The following HFM1 variants were observed in gnomAD, a reference collection of about 807,000 sequenced individuals.
HFM1 encodes the protein probable ATP-dependent DNA helicase HFM1.
HFM1 carries 169 observed loss-of-function variants against 192.1 expected under a neutral mutation model. The observed-to-expected ratio is 0.88, with a 90% CI of 0.78 to 1.00. HFM1 has a LOEUF of 1.00. HFM1 is among the 50% of genes least tolerant of loss of function. The probability of loss-of-function intolerance (pLI) is 0.00; values close to 1 mark genes in which losing one functional copy is unlikely to be tolerated. For synonymous variants in HFM1, 525 were observed against 537.8 expected, an observed-to-expected ratio of 0.98 and a Z score of 0.33; for missense variants, 1,661 against 1,668.0, an observed-to-expected ratio of 1.00 and a Z score of 0.07.
Position 91,378,435 on chromosome 1 carries a change from C to A in HFM1, c.1204G>T (p.Val402Phe). ...ATGAGAAACAGTCGAACCAGCTGAA[C>A]CAAAGAGTTGTCTCTCCATTTCCTA... is the stretch of plus-strand genomic sequence containing the variant. ...MTRKWRDNSL[V>F]QLVRLFLIDE... The change falls in exon 10 of 39, where the codon GTT becomes TTT. Residue 402 changes from valine (V) to phenylalanine (F), a missense_variant. By Grantham distance (50) the Val-to-Phe change is conservative (BLOSUM62 -1). Coordinates refer to ENST00000370425, the MANE Select transcript of HFM1 (RefSeq NM_001017975.6). 1 of 1,606,156 alleles carries A rather than the reference C, an allele frequency of 6.2e-7. No individual in the cohort carries two copies. Among genetic ancestry groups the A allele is most frequent in the Non-Finnish European group, 8.5e-7 (1 of 1,174,820 alleles).
chr1:91,395,903 C>A (rs915234928), intron 3 of HFM1, among the ~76,000 whole-genome samples: 1 of 149,464 alleles, frequency 6.7e-6, no homozygotes, highest in East Asian at 2.0e-4. Context: ...GGATAGAGTG[C>A]AGTGGTGCAA....
intron 20 of HFM1, among the ~76,000 whole-genome samples, chr1:91,325,216 C>A (rs1557852864): frequency 6.6e-6 from 1 of 152,192 alleles, no homozygotes; most frequent in East Asian, 1.9e-4. Context: ...CTTGGCACAA[C>A]CCCCTGAGGA....
chr1:91,375,429 C>T lies in HFM1; in HGVS notation c.1614G>A (p.Lys538=), dbSNP rs1307156541. ...KPTLVFCATR[K]GVQQAASVLV... Reference sequence around the variant, plus strand: ...GAACAGAAGCAGCCTGTTGCACACCCTTCCTTGTTGCACAAAACTGAAAAT... The same window carrying T: ...GAACAGAAGCAGCCTGTTGCACACCTTTCCTTGTTGCACAAAACTGAAAAT... Residue 538 remains lysine (K), a synonymous_variant, in exon 13 of 39, where the codon AAG becomes AAA. Transcript: ENST00000370425. The T allele has an allele frequency of 6.2e-7, 1 of 1,613,002 alleles. No individual in the cohort carries two copies. Among genetic ancestry groups the T allele is most frequent in the Admixed American group, 1.7e-5 (1 of 59,826 alleles).
intron 30 of HFM1, among the ~76,000 whole-genome samples, chr1:91,282,413 T>C (rs1667541060): frequency 6.6e-6 from 1 of 152,144 alleles, no homozygotes; most frequent in Admixed American, 6.5e-5. Context: ...TTATATTAGG[T>C]TTTATTACAT....
chr1:91,272,981 C>G (rs2100748148), intron 34 of HFM1, among the ~76,000 whole-genome samples: 1 of 152,142 alleles, frequency 6.6e-6, no homozygotes, highest in African/African-American at 2.4e-5. Context: ...GAAGAAATAA[C>G]TCAATGGATA....
chr1:91,265,870 G>C (rs1665715127), intron 36 of HFM1, 147 bp downstream of exon 36: 1 of 1,088,534 alleles, frequency 9.2e-7, no homozygotes, highest in Non-Finnish European at 1.3e-6. Context: ...ACAGCACTTT[G>C]AGAAATACAC....
chr1:91,315,737 T>C, intron 28 of HFM1, 78 bp downstream of exon 28: 1 of 1,038,678 alleles, frequency 9.6e-7, no homozygotes, highest in Non-Finnish European at 1.4e-6. Context: ...ATGATCTTGT[T>C]ATTTTTTTTT....
At chr1:91,368,902 A>T (rs937293901) in intron 13 of HFM1, among the ~76,000 whole-genome samples, 12 of 152,220 alleles carry the variant, frequency 7.9e-5, no homozygotes, top group African/African-American at 2.9e-4. Flanking sequence ...GGATGGAGGA[A>T]GATCTACCAA....
chr1:91,343,446 A>T lies in HFM1; in HGVS notation c.2319T>A (p.Val773=), dbSNP rs375389870. 4 of 1,422,678 alleles carry T rather than the reference A, an allele frequency of 2.8e-6. No individual in the cohort carries two copies. The highest frequency in any genetic ancestry group is 2.9e-6 in the Non-Finnish European group (3 of 1,032,124). The allele number at this position is 1,422,678 out of a possible 1,614,324, so 88.1% of individuals were successfully genotyped here. ...SLDLIKMDEG[V]NFKPTEAGRL... is the part of the protein sequence containing the mutation. ...AGAAATTACCAGTTGGTTTGAAATT[A>T]ACACCTTCATCCATCTTTATTAAGT... The change falls in exon 20 of 39, where the codon GTT becomes GTA. Residue 773 remains valine, a synonymous_variant. Transcript: ENST00000370425.
intron 13 of HFM1, among the ~76,000 whole-genome samples, chr1:91,373,008 C>A (rs1295362635): frequency 2.0e-5 from 3 of 151,604 alleles, no homozygotes; most frequent in African/African-American, 7.3e-5. Flanking sequence ...GATTTTTTTT[C>A]ATATGGTAGT....
At chr1:91,392,643 T>C (rs1663147680) in intron 4 of HFM1, among the ~76,000 whole-genome samples, 1 of 152,066 alleles carries the variant, frequency 6.6e-6, no homozygotes, top group Non-Finnish European at 1.5e-5. Context: ...ATACCTAATG[T>C]AAATGACGAG....
At chr1:91,364,474 G>C (rs1658952129) in intron 13 of HFM1, among the ~76,000 whole-genome samples, 1 of 151,078 alleles carries the variant, frequency 6.6e-6, no homozygotes, top group Admixed American at 6.6e-5. Context: ...ACCTCATAAA[G>C]ATATCTGCAC....
intron 20 of HFM1, chr1:91,328,310 CA>C: frequency 7.2e-7 from 1 of 1,380,100 alleles, no homozygotes; most frequent in African/African-American, 1.5e-5. Flanking sequence ...CTGCCCAGGG[CA>C]ACCCTGAATC....
At chr1:91,391,139 A>G (rs1465234233) in intron 4 of HFM1, among the ~76,000 whole-genome samples, 3 of 152,204 alleles carry the variant, frequency 2.0e-5, no homozygotes, top group East Asian at 1.9e-4. Context: ...ATGCTCATGG[A>G]TAGGAAGAAT....
chr1:91,370,151 T>C (rs1475690168), intron 13 of HFM1, among the ~76,000 whole-genome samples: 2 of 152,344 alleles, frequency 1.3e-5, no homozygotes, highest in Middle Eastern at 3.4e-3. Context: ...AGCCGAATTC[T>C]ACCAGAGGTA....
chr1:91,315,004 G>C (rs183833451), intron 28 of HFM1, among the ~76,000 whole-genome samples: 2 of 152,248 alleles, frequency 1.3e-5, no homozygotes, highest in African/African-American at 4.8e-5. Flanking sequence ...CAGAATCACT[G>C]CCATTCCTGA....
intron 30 of HFM1, among the ~76,000 whole-genome samples, chr1:91,286,971 A>C (rs1215098422): frequency 6.6e-6 from 1 of 152,046 alleles, no homozygotes; most frequent in Non-Finnish European, 1.5e-5. Context: ...AAAACGGCGC[A>C]CCACGAGATT....
Position 91,396,317 on chromosome 1 carries a change from C to T in HFM1, c.160G>A (p.Glu54Lys). 2.5e-6 allele frequency: 4 copies of T among 1,575,834 alleles called. No homozygotes were observed. The highest frequency in any genetic ancestry group is 2.6e-6 in the Non-Finnish European group (3 of 1,149,626). Residue 54 changes from glutamate to lysine, a missense_variant, in exon 3 of 39, where the codon GAA (glutamate) becomes AAA (lysine). Coordinates refer to ENST00000370425, the MANE Select transcript of HFM1 (RefSeq NM_001017975.6). Reference sequence around the variant, plus strand: ...CCTAACAGTTTATGACTTTCTAATTCTTCCTCTAACTCCTGAGTATCTGGA... The same window carrying T: ...CCTAACAGTTTATGACTTTCTAATTTTTCCTCTAACTCCTGAGTATCTGGA... ...EIPDTQELEE[E>K]LESHKLLGQE...
chr1:91,295,728 T>C (rs1296446794), intron 30 of HFM1, among the ~76,000 whole-genome samples: 1 of 152,200 alleles, frequency 6.6e-6, no homozygotes, highest in Admixed American at 6.5e-5. Flanking sequence ...GAGTTCTTAA[T>C]TTTAACATAG....
Sources: gnomAD v4.1 joint callset for allele counts (sites outside exome capture counted in the v4.1 genomes callset) on GRCh38, gnomAD v4.1.1 for gene constraint, MANE v1.5 for transcripts, NCBI Gene and HGNC (gene_info 2026-07-23, HGNC 2026-07-21) for gene names.